The following SDK1 variants were observed in gnomAD, a reference collection of about 807,000 sequenced individuals.
SDK1 encodes the protein sidekick cell adhesion molecule 1.
In SDK1, 157 loss-of-function variants were observed where a neutral mutation model predicts 245.5. The ratio of observed to expected loss-of-function variants is 0.64; its 90% CI spans 0.56 to 0.73. SDK1 has a LOEUF of 0.73. SDK1 is among the 30% of genes least tolerant of loss of function. The pLI is 0.00. For synonymous variants in SDK1, 1,647 were observed against 1,278.5 expected, an observed-to-expected ratio of 1.29 and a Z score of -6.15; for missense variants, 3,583 against 3,002.3, an observed-to-expected ratio of 1.19 and a Z score of -4.52.
intron 35 of SDK1, among the ~76,000 whole-genome samples, chr7:4,204,708 G>T (rs1291320988): frequency 6.6e-6 from 1 of 152,208 alleles, no homozygotes; most frequent in African/African-American, 2.4e-5. Flanking sequence ...CCGGCGGCAG[G>T]CGGAGAGGAG....
At chr7:4,217,512 A>G (rs1230927188) in intron 38 of SDK1, among the ~76,000 whole-genome samples, 2 of 130,188 alleles carry the variant, frequency 1.5e-5, no homozygotes, top group Non-Finnish European at 3.2e-5. Context: ...CCGGAGCACC[A>G]CACCACCCGG....
At chr7:4,091,987 A>G (rs531197446) in intron 22 of SDK1, among the ~76,000 whole-genome samples, 80 of 152,280 alleles carry the variant, frequency 5.3e-4, no homozygotes, top group African/African-American at 1.9e-3. Context: ...ACATCGTGAC[A>G]AGCAGCGAGC....
chr7:3,905,685 G>A (rs947734662), intron 5 of SDK1, among the ~76,000 whole-genome samples: 2 of 151,806 alleles, frequency 1.3e-5, no homozygotes, highest in Non-Finnish European at 2.9e-5. Flanking sequence ...GAGTGCAGTG[G>A]CACAATCACT....
intron 1 of SDK1, among the ~76,000 whole-genome samples, chr7:3,313,409 A>G (rs73046607): frequency 0.22 from 34,211 of 152,092 alleles, 4,530 homozygotes; most frequent in East Asian, 0.42. Flanking sequence ...CCATCTCAAA[A>G]GTAAGTGAAA....
At chr7:3,567,867 A>T (rs1439278577) in intron 1 of SDK1, among the ~76,000 whole-genome samples, 1 of 152,176 alleles carries the variant, frequency 6.6e-6, no homozygotes, top group African/African-American at 2.4e-5. Context: ...GCTGCAGTGC[A>T]GTGGTGCGGT....
At chr7:3,659,729 G>A (rs547954248) in intron 4 of SDK1, among the ~76,000 whole-genome samples, 2 of 152,318 alleles carry the variant, frequency 1.3e-5, no homozygotes, top group South Asian at 4.1e-4. Context: ...GAGAGTAAGG[G>A]GCAGAAGGAG....
chr7:3,860,162 C>T (rs142211354), intron 5 of SDK1, among the ~76,000 whole-genome samples: 18 of 152,156 alleles, frequency 1.2e-4, no homozygotes, highest in East Asian at 3.9e-4. Flanking sequence ...CCTCGTGATC[C>T]GCCTGCCTCA....
Position 4,210,033 on chromosome 7 carries a change from GC to G in SDK1, c.5415del (p.Ser1806AlafsTer8). ...GTGTTCTATTCTCCCAGCCCCTGGG[GC>G]CCCCAGCTTTCTGGCGTTCTCAGAA... is the stretch of plus-strand genomic sequence containing the variant. ...QGRTHQAAPG[A>X]PSFLAFSEIT... On this transcript the variant is annotated frameshift_variant, in exon 38 of 45. Coordinates refer to ENST00000404826, the MANE Select transcript of SDK1 (RefSeq NM_152744.4). LOFTEE classifies it high-confidence loss of function. 1.3e-6 allele frequency: 2 copies of G among 1,586,328 alleles called. No individual in the cohort carries two copies. Among genetic ancestry groups the G allele is most frequent in the Non-Finnish European group, 8.6e-7 (1 of 1,167,994 alleles).
chr7:3,814,263 T>C (rs1391758179), intron 4 of SDK1, among the ~76,000 whole-genome samples: 1 of 151,342 alleles, frequency 6.6e-6, no homozygotes, highest in East Asian at 2.0e-4. Context: ...GTTTAAATCT[T>C]TAATCCATCT....
chr7:3,975,862 G>A (rs1420899057), intron 13 of SDK1, among the ~76,000 whole-genome samples: 1 of 152,278 alleles, frequency 6.6e-6, no homozygotes, highest in East Asian at 1.9e-4. Flanking sequence ...TCAGCCGGCG[G>A]CAGTGGTGCG....
intron 1 of SDK1, among the ~76,000 whole-genome samples, chr7:3,483,963 G>A (rs752131846): frequency 1.3e-5 from 2 of 151,948 alleles, no homozygotes; most frequent in African/African-American, 2.4e-5. Flanking sequence ...TATTTATGGG[G>A]TACATGTGAT....
intron 25 of SDK1, among the ~76,000 whole-genome samples, chr7:4,125,579 AGT>A (rs1784344435): frequency 6.6e-6 from 1 of 152,172 alleles, no homozygotes; most frequent in Non-Finnish European, 1.5e-5. Context: ...AGTCCTCGCA[AGT>A]GTTCCTGCTA....
chr7:3,883,695 T>TCCCTCCCC, intron 5 of SDK1, among the ~76,000 whole-genome samples: 1 of 99,956 alleles, frequency 1.0e-5, no homozygotes, highest in Admixed American at 1.0e-4. Flanking sequence ...GCTCCCTCGC[T>TCCCTCCCC]CCCTCCCTCC....
chr7:3,311,197 G>A (rs569488786), intron 1 of SDK1, among the ~76,000 whole-genome samples: 2 of 152,068 alleles, frequency 1.3e-5, no homozygotes, highest in African/African-American at 4.8e-5. Flanking sequence ...TGGGGGGAGA[G>A]TAGAGTGATG....
chr7:3,944,968 T>A (rs1027104594), intron 5 of SDK1, among the ~76,000 whole-genome samples: 2 of 152,120 alleles, frequency 1.3e-5, no homozygotes, highest in African/African-American at 4.8e-5. Flanking sequence ...CATTGCTAGT[T>A]TGTATAAAGA....
intron 1 of SDK1, among the ~76,000 whole-genome samples, chr7:3,487,771 A>G (rs1302799538): frequency 2.0e-5 from 3 of 149,808 alleles, no homozygotes; most frequent in Admixed American, 2.0e-4. Flanking sequence ...AAAAAAAAAA[A>G]AAAAAGAAAA....
intron 4 of SDK1, among the ~76,000 whole-genome samples, chr7:3,672,530 C>T (rs1783734362): frequency 6.8e-6 from 1 of 146,512 alleles, no homozygotes; most frequent in Non-Finnish European, 1.5e-5. Flanking sequence ...AGTCCAAAAG[C>T]AATCTATTTA....
chr7:3,635,451 C>G (rs1350561403), intron 2 of SDK1, among the ~76,000 whole-genome samples: 1 of 152,110 alleles, frequency 6.6e-6, no homozygotes, highest in African/African-American at 2.4e-5. Context: ...ATTGTGCATA[C>G]TTGAATAAAA....
At chr7:3,559,789 G>T (rs1054208366) in intron 1 of SDK1, among the ~76,000 whole-genome samples, 1 of 150,500 alleles carries the variant, frequency 6.6e-6, no homozygotes, top group East Asian at 1.9e-4. Flanking sequence ...AAATCTAAAC[G>T]GAAACAAGCA....
Sources: allele counts gnomAD v4.1 joint callset (sites outside exome capture counted in the v4.1 genomes callset), GRCh38; gene constraint gnomAD v4.1.1; transcripts MANE v1.5; gene names NCBI Gene and HGNC (gene_info 2026-07-23, HGNC 2026-07-21).